RIC1: variants seen among roughly 807,000 people sequenced by gnomAD.
RIC1 encodes guanine nucleotide exchange factor subunit RIC1.
A neutral mutation model predicts 169.0 loss-of-function variants in RIC1; 88 were observed. The observed-to-expected ratio is 0.52, with a 90% CI of 0.44 to 0.62. The LOEUF is 0.62. Ranked by LOEUF, RIC1 falls within the 20% of genes least tolerant of loss-of-function variation. The pLI is 0.00. For synonymous variants in RIC1, 790 were observed against 601.5 expected (o/e 1.31, Z -4.59); for missense variants, 1,877 against 1,725.5 (o/e 1.09, Z -1.56).
At chr9:5,771,511 C>A (rs1827218994) in intron 23 of RIC1, among the ~76,000 whole-genome samples, 1 of 152,106 alleles carries the variant, frequency 6.6e-6, no homozygotes, top group Non-Finnish European at 1.5e-5. Flanking sequence ...TTCTGTGAGA[C>A]TCTGTTTTCA....
Position 5,755,811 on chromosome 9 carries a change from T to G in RIC1, c.1693-401T>G, listed in dbSNP as rs532556755. Among the ~76,000 whole-genome samples, 3 of 152,184 alleles carry G rather than the reference T, an allele frequency of 2.0e-5. No individual in the cohort carries two copies. The East Asian group carries it at 5.8e-4, about 29-fold the overall frequency. On this transcript the variant is annotated intron_variant, in intron 15 of 25. Coordinates refer to ENST00000414202, the MANE Select transcript of RIC1 (RefSeq NM_020829.4). ...GGTGGCACACCCCTGTAATCCCAGCTACTTGGGAAGCTGAGGTGGCAGAAT... is the reference window on the plus strand; with the variant it reads ...GGTGGCACACCCCTGTAATCCCAGCGACTTGGGAAGCTGAGGTGGCAGAAT...
chr9:5,754,028 G>GTGTA (rs1491031125), intron 14 of RIC1, among the ~76,000 whole-genome samples: 1 of 149,938 alleles, frequency 6.7e-6, no homozygotes, highest in African/African-American at 2.5e-5. Flanking sequence ...GTGTGCGTGT[G>GTGTA]TGTATGTGTA....
chr9:5,733,414 C>T (rs1563935275), intron 7 of RIC1, among the ~76,000 whole-genome samples: 1 of 152,016 alleles, frequency 6.6e-6, no homozygotes, highest in African/African-American at 2.4e-5. Flanking sequence ...CAGGCGCCCA[C>T]CACCATGCCC....
Position 5,720,263 on chromosome 9 carries a change from T to C in RIC1, c.522T>C (p.Asn174=), listed in dbSNP as rs765238690. 1 of 1,613,690 alleles carries C rather than the reference T, an allele frequency of 6.2e-7. No homozygotes were observed. The highest frequency in any genetic ancestry group is 8.5e-7 in the Non-Finnish European group (1 of 1,179,652). The change falls in exon 5 of 26, where the codon AAT becomes AAC. Residue 174 remains asparagine (N), a synonymous_variant. Coordinates refer to ENST00000414202, the MANE Select transcript of RIC1 (RefSeq NM_020829.4). ...TTATTCACTGGGAAGGAATGACAAA[T>C]GGAAGGAAAGCCATTAATCTTTGCA... ...LHLIHWEGMT[N]GRKAINLCTV... is the part of the protein sequence containing the mutation.
At chr9:5,634,881 A>T (rs1817894182) in intron 1 of RIC1, among the ~76,000 whole-genome samples, 2 of 151,850 alleles carry the variant, frequency 1.3e-5, no homozygotes, top group African/African-American at 4.8e-5. Context: ...TTCTTATTTT[A>T]ATTTTTGTGG....
At position 5,656,707 on chromosome 9, in the gene RIC1, G is replaced by C; in HGVS notation, c.252+17G>C. The C allele has an allele frequency of 1.5e-6, 2 of 1,349,202 alleles. No individual in the cohort carries two copies. The highest frequency in any genetic ancestry group is 1.2e-5 in the South Asian group (1 of 80,928). The allele number at this position is 1,349,202 out of a possible 1,614,324, so 83.6% of individuals were successfully genotyped here. A position where few individuals can be genotyped will look rare whatever the true frequency, so the allele number is the denominator to read the frequency against. On this transcript the variant is annotated intron_variant, in intron 2 of 25. Transcript: ENST00000414202. ...GCTGTATCAGTAAGTAGATTTTACC[G>C]CTAAATAGTGTTTTCTTATGAAATC...
In RIC1 at chr9:5,732,354, C is replaced by T. The variant is rs368399321; in HGVS notation, c.721-34C>T. On this transcript the variant is annotated intron_variant, in intron 6 of 25. Transcript: ENST00000414202. Reference sequence around the variant, plus strand: ...TGACTACGGTAAATTTGGAGAAACACTTTTTAAGCCTTAACTATTTTTCTT... The same window carrying T: ...TGACTACGGTAAATTTGGAGAAACATTTTTTAAGCCTTAACTATTTTTCTT... 6.6e-6 allele frequency: 10 copies of T among 1,513,708 alleles called. No homozygotes were observed. In the East Asian group the frequency reaches 6.8e-5, roughly 10 times the overall value. The allele number at this position is 1,513,708 out of a possible 1,614,324, so 93.8% of individuals were successfully genotyped here. A position where few individuals can be genotyped will look rare whatever the true frequency, so the allele number is the denominator to read the frequency against.
At chr9:5,670,132 G>C (rs1820005425) in intron 2 of RIC1, among the ~76,000 whole-genome samples, 1 of 152,190 alleles carries the variant, frequency 6.6e-6, no homozygotes, top group Non-Finnish European at 1.5e-5. Flanking sequence ...CCTGTATGAA[G>C]TTTGCTTTCG....
intron 3 of RIC1, among the ~76,000 whole-genome samples, chr9:5,709,517 G>A (rs1374644802): frequency 6.6e-6 from 1 of 152,136 alleles, no homozygotes; most frequent in African/African-American, 2.4e-5. Context: ...TGTCTCAAAA[G>A]ATTACAAATG....
At chr9:5,674,530 G>GA (rs936327064) in intron 2 of RIC1, among the ~76,000 whole-genome samples, 25 of 152,042 alleles carry the variant, frequency 1.6e-4, no homozygotes, top group African/African-American at 6.0e-4. Flanking sequence ...CTCCAAAAGG[G>GA]AAAAAATAAG....
At chr9:5,682,447 G>C (rs1820909652) in intron 2 of RIC1, among the ~76,000 whole-genome samples, 1 of 152,144 alleles carries the variant, frequency 6.6e-6, no homozygotes, top group Admixed American at 6.5e-5. Context: ...TGAAATTCTG[G>C]GTTGAAAATT....
intron 6 of RIC1, among the ~76,000 whole-genome samples, chr9:5,725,195 T>C (rs1421584892): frequency 6.6e-6 from 1 of 152,224 alleles, no homozygotes; most frequent in African/African-American, 2.4e-5. Context: ...CCTGGACTTT[T>C]TTTGGTTAGT....
intron 2 of RIC1, among the ~76,000 whole-genome samples, chr9:5,689,091 CA>C (rs1490709340): frequency 6.8e-6 from 1 of 146,954 alleles, no homozygotes; most frequent in East Asian, 2.0e-4. Context: ...CTCTGTCGCC[CA>C]GCGGGGAGTG....
chr9:5,741,985 C>T (rs570367871), intron 8 of RIC1, among the ~76,000 whole-genome samples: 2 of 152,294 alleles, frequency 1.3e-5, no homozygotes, highest in East Asian at 3.9e-4. Context: ...TGACCCTTTG[C>T]ATTGTATTCT....
At chr9:5,641,642 GT>G (rs1818255550) in intron 1 of RIC1, among the ~76,000 whole-genome samples, 2 of 144,880 alleles carry the variant, frequency 1.4e-5, no homozygotes, top group African/African-American at 5.6e-5. Flanking sequence ...TGACTATATT[GT>G]CAAGTAGCCT....
chr9:5,761,104 C>CTTT (rs71326188), intron 17 of RIC1, among the ~76,000 whole-genome samples: 16 of 94,714 alleles, frequency 1.7e-4, no homozygotes, highest in African/African-American at 4.2e-4. Context: ...CCAGCCTCAC[C>CTTT]TTTTTTTTTT....
intron 6 of RIC1, 137 bp from the exon 7 acceptor site, chr9:5,732,251 C>G: frequency 1.5e-6 from 1 of 652,560 alleles, no homozygotes; most frequent in Non-Finnish European, 2.7e-6. Flanking sequence ...TGTGGTAGTC[C>G]TGGTGGGATA....
chr9:5,644,318 A>G (rs1386667482), intron 1 of RIC1, among the ~76,000 whole-genome samples: 4 of 152,156 alleles, frequency 2.6e-5, no homozygotes, highest in South Asian at 4.1e-4. Flanking sequence ...ATCATATGGT[A>G]TATGGTCATT....
At chr9:5,670,040 C>G (rs1819999003) in intron 2 of RIC1, among the ~76,000 whole-genome samples, 1 of 152,210 alleles carries the variant, frequency 6.6e-6, no homozygotes, top group African/African-American at 2.4e-5. Flanking sequence ...ATCTTTGTCA[C>G]TGGTTATGTG....
Sources: allele counts gnomAD v4.1 joint callset (sites outside exome capture counted in the v4.1 genomes callset), GRCh38; gene constraint gnomAD v4.1.1; transcripts MANE v1.5; gene names NCBI Gene and HGNC (gene_info 2026-07-23, HGNC 2026-07-21).